The following HYDIN variants were observed in gnomAD, a reference collection of about 807,000 sequenced individuals.
HYDIN encodes the protein axonemal central pair apparatus protein HYDIN.
HYDIN carries 132 observed loss-of-function variants against 403.9 expected under a neutral mutation model. That is an observed-to-expected ratio of 0.33 (90% CI 0.28 to 0.38). HYDIN has a LOEUF of 0.38. HYDIN is among the 10% of genes least tolerant of loss of function. The probability of loss-of-function intolerance (pLI) is 1.00; values close to 1 mark genes in which losing one functional copy is unlikely to be tolerated. For synonymous variants in HYDIN, 1,202 were observed against 1,891.7 expected, an observed-to-expected ratio of 0.64 and a Z score of 9.46; for missense variants, 2,827 against 5,009.5, an observed-to-expected ratio of 0.56 and a Z score of 13.15.
At chr16:70,830,128 G>C (rs1037722835) in intron 80 of HYDIN, among the ~76,000 whole-genome samples, 12 of 152,086 alleles carry the variant, frequency 7.9e-5, no homozygotes, top group African/African-American at 2.9e-4. Context: ...TGTAGAGCGT[G>C]CAGGATAGAA....
intron 72 of HYDIN, among the ~76,000 whole-genome samples, chr16:70,857,353 C>A (rs2039086929): frequency 2.1e-5 from 1 of 48,738 alleles, no homozygotes; most frequent in East Asian, 4.0e-4. Context: ...TGGCACAGAC[C>A]AAGAAGCATA....
Position 70,837,746 on chromosome 16 carries a change from T to A in HYDIN, c.13186A>T (p.Ile4396Phe). Residue 4396 changes from isoleucine (I) to phenylalanine (F), a missense_variant, in exon 77 of 86, where the codon ATC becomes TTC. Transcript: ENST00000393567. ...INYQELIPFEINGLSQQTVEI... is the reference protein window; with the variant it reads ...INYQELIPFEFNGLSQQTVEI... ...ACTGTTTGTTGTGAGAGCCCATTGA[T>A]TTCAAAGGGAATGAGTTCTTGATAG... 6.2e-7 allele frequency: 1 copy of A among 1,613,968 alleles called. No individual in the cohort carries two copies. The highest frequency in any genetic ancestry group is 8.5e-7 in the Non-Finnish European group (1 of 1,179,856).
intron 84 of HYDIN, among the ~76,000 whole-genome samples, chr16:70,816,108 A>T (rs534686021): frequency 4.6e-5 from 7 of 152,342 alleles, no homozygotes; most frequent in African/African-American, 1.7e-4. Flanking sequence ...TGTCTCAAAA[A>T]TAAACCTCAA....
At position 70,837,688 on chromosome 16, in the gene HYDIN, A is replaced by G; in HGVS notation, c.13242+2T>C. The G allele has an allele frequency of 6.2e-7, 1 of 1,613,784 alleles. No homozygotes were observed. The highest frequency in any genetic ancestry group is 8.5e-7 in the Non-Finnish European group (1 of 1,179,802). ...CCTGAAGGCCTCCCGACTGTCTGTT[A>G]CCTTCATTTTGGTACCCTTCCCTTT... On this transcript the variant is annotated splice_donor_variant, in intron 77 of 85. Coordinates refer to ENST00000393567, the MANE Select transcript of HYDIN (RefSeq NM_001270974.2). LOFTEE classifies it high-confidence loss of function.
At position 71,138,697 on chromosome 16, in the gene HYDIN, C is replaced by G. The variant is rs560494851; in HGVS notation, c.842-1345G>C. Among the ~76,000 whole-genome samples, 468 of 152,146 alleles carry G rather than the reference C, an allele frequency of 3.1e-3. 4 individuals are homozygous for G. The highest frequency in any genetic ancestry group is 0.011 in the African/African-American group (440 of 41,514). ...CTCATTGTTACTTTAATTGGAATATCCTTAATTATGGATGGTGTTGAACAC... is the reference window on the plus strand; with the variant it reads ...CTCATTGTTACTTTAATTGGAATATGCTTAATTATGGATGGTGTTGAACAC... On this transcript the variant is annotated intron_variant, in intron 7 of 85. Coordinates refer to ENST00000393567, the MANE Select transcript of HYDIN (RefSeq NM_001270974.2).
chr16:71,184,732 G>T, intron 3 of HYDIN, 133 bp downstream of exon 3: 2 of 697,106 alleles, frequency 2.9e-6, no homozygotes, highest in Non-Finnish European at 4.7e-6. Context: ...GACATTCAGA[G>T]GCAGAAAAGG....
chr16:70,862,003 T>C (rs768481060), intron 69 of HYDIN, 45 bp downstream of exon 69: 2 of 1,507,732 alleles, frequency 1.3e-6, no homozygotes, highest in Non-Finnish European at 8.9e-7. Flanking sequence ...GCCACAGAGC[T>C]TTGTGCCTGC....
At chr16:70,858,879 G>A (rs2039203124) in intron 71 of HYDIN, among the ~76,000 whole-genome samples, 1 of 151,364 alleles carries the variant, frequency 6.6e-6, no homozygotes, top group Non-Finnish European at 1.5e-5. Context: ...GATGGCCTGG[G>A]TACTGACATT....
Position 70,818,532 on chromosome 16 carries a change from T to C in HYDIN, c.14468A>G (p.Tyr4823Cys). ...AGGGATGACCCTGAAACTCACATTG[T>C]AGTACAAGAACTCATTTGTCACCTC... ...RNEVTNEFLY[Y>C]NVSFRVIPSG... The change falls in exon 84 of 86, where the codon TAC (tyrosine) becomes TGC (cysteine). Residue 4823 changes from tyrosine to cysteine, a missense_variant. Tyr to Cys is a radical substitution (Grantham distance 194). Coordinates refer to ENST00000393567, the MANE Select transcript of HYDIN (RefSeq NM_001270974.2). The C allele has an allele frequency of 1.5e-6, 2 of 1,314,718 alleles. No individual in the cohort carries two copies. Among genetic ancestry groups the C allele is most frequent in the Middle Eastern group, 1.9e-4 (1 of 5,270 alleles). The allele number at this position is 1,314,718 out of a possible 1,614,324, so 81.4% of individuals were successfully genotyped here.
chr16:71,112,970 T>C (rs2083888646), intron 10 of HYDIN, among the ~76,000 whole-genome samples: 1 of 152,080 alleles, frequency 6.6e-6, no homozygotes, highest in Non-Finnish European at 1.5e-5. Flanking sequence ...GGGGACAGGA[T>C]TGTCTGCAAA....
chr16:70,921,682 A>T (rs2076999344), intron 45 of HYDIN, among the ~76,000 whole-genome samples: 3 of 152,156 alleles, frequency 2.0e-5, no homozygotes, highest in African/African-American at 7.2e-5. Flanking sequence ...AGATAGCAAC[A>T]TTAATACCTA....
intron 23 of HYDIN, among the ~76,000 whole-genome samples, chr16:70,993,105 C>A (rs1416818213): frequency 2.0e-5 from 3 of 152,184 alleles, no homozygotes; most frequent in African/African-American, 7.2e-5. Flanking sequence ...GCCTATCTTC[C>A]CACCGGAAGA....
chr16:70,835,606 G>T lies in HYDIN; in HGVS notation c.13401+70C>A, dbSNP rs2037375582. On this transcript the variant is annotated intron_variant, in intron 78 of 85. Coordinates refer to ENST00000393567, the MANE Select transcript of HYDIN (RefSeq NM_001270974.2). ...TGCACAAGAAATGTGAGCTGCTAGT[G>T]TTGCCAGCATGGCCATCCTCATCAT... 6.5e-6 allele frequency: 4 copies of T among 612,282 alleles called. No individual in the cohort carries two copies. The Admixed American group carries it at 8.8e-5, about 14-fold the overall frequency. The allele number at this position is 612,282 out of a possible 1,614,324, so 37.9% of individuals were successfully genotyped here.
At chr16:70,878,560 C>T (rs2040586107) in intron 62 of HYDIN, among the ~76,000 whole-genome samples, 2 of 147,788 alleles carry the variant, frequency 1.4e-5, no homozygotes, top group Non-Finnish European at 2.9e-5. Context: ...TTACTGTATC[C>T]TTTCATTTTT....
intron 23 of HYDIN, among the ~76,000 whole-genome samples, chr16:71,003,671 C>T (rs1445999153): frequency 6.6e-6 from 1 of 151,774 alleles, no homozygotes; most frequent in South Asian, 2.1e-4. Context: ...TGGTGGCAGG[C>T]ACCTGTAATC....
intron 36 of HYDIN, among the ~76,000 whole-genome samples, chr16:70,970,237 T>A (rs978724089): frequency 2.7e-5 from 2 of 73,680 alleles, no homozygotes; most frequent in Non-Finnish European, 5.3e-5. Flanking sequence ...ACTGATAGCA[T>A]ATTTTTTAAA....
chr16:70,938,475 T>C (rs984265385), intron 44 of HYDIN, 139 bp downstream of exon 44: 52 of 729,584 alleles, frequency 7.1e-5, no homozygotes, highest in Non-Finnish European at 1.1e-4. Flanking sequence ...TTCTGCTCCT[T>C]GCAGGTCACC....
intron 55 of HYDIN, chr16:70,894,010 C>T (rs1024737008): frequency 1.3e-5 from 2 of 152,484 alleles, no homozygotes; most frequent in Non-Finnish European, 2.9e-5. Flanking sequence ...GAAGGCAGGA[C>T]AGCTTGAGGC....
At chr16:70,872,459 C>T (rs1216637441) in intron 64 of HYDIN, among the ~76,000 whole-genome samples, 1 of 149,686 alleles carries the variant, frequency 6.7e-6, no homozygotes, top group Admixed American at 6.6e-5. Flanking sequence ...ATCCATCCAT[C>T]CCTCTCATCC....
Sources: allele counts gnomAD v4.1 joint callset (sites outside exome capture counted in the v4.1 genomes callset), GRCh38; gene constraint gnomAD v4.1.1; transcripts MANE v1.5; gene names NCBI Gene and HGNC (gene_info 2026-07-23, HGNC 2026-07-21).